Variants in PDE4D observed in about 807,000 individuals in gnomAD.
PDE4D encodes 3',5'-cyclic-AMP phosphodiesterase 4D.
A neutral mutation model predicts 87.4 loss-of-function variants in PDE4D; 24 were observed. That is an observed-to-expected ratio of 0.27 (90% CI 0.20 to 0.39). PDE4D has a LOEUF of 0.39. Among genes scored for constraint, PDE4D ranks in the 10% least tolerant of loss-of-function variants. PDE4D has a pLI of 1.00. For synonymous variants in PDE4D, 384 were observed against 383.2 expected (o/e 1.00, Z -0.02); for missense variants, 714 against 1,041.0 (o/e 0.69, Z 4.32).
intron 1 of PDE4D, among the ~76,000 whole-genome samples, chr5:59,598,177 G>A (rs990946321): frequency 2.2e-4 from 33 of 152,246 alleles, no homozygotes; most frequent in Admixed American, 1.9e-3. Flanking sequence ...GATTTTATCT[G>A]TTGTTTTTAG....
intron 1 of PDE4D, among the ~76,000 whole-genome samples, chr5:59,621,263 C>T (rs1333550288): frequency 6.6e-6 from 1 of 152,104 alleles, no homozygotes; most frequent in Non-Finnish European, 1.5e-5. Flanking sequence ...CAGGTCTATT[C>T]CAGAGGTTGT....
intron 5 of PDE4D, among the ~76,000 whole-genome samples, chr5:59,104,267 C>G (rs1771218227): frequency 6.6e-6 from 1 of 152,078 alleles, no homozygotes; most frequent in African/African-American, 2.4e-5. Context: ...TCATGGAACC[C>G]ATAAAGAATT....
chr5:59,685,466 G>A (rs1344714456), intron 1 of PDE4D, among the ~76,000 whole-genome samples: 1 of 152,066 alleles, frequency 6.6e-6, no homozygotes, highest in African/African-American at 2.4e-5. Flanking sequence ...TTTTCTATTT[G>A]ATACAAAATT....
intron 1 of PDE4D, among the ~76,000 whole-genome samples, chr5:60,465,610 T>C (rs1180013030): frequency 6.6e-6 from 1 of 152,186 alleles, no homozygotes; most frequent in Non-Finnish European, 1.5e-5. Context: ...TACTTACCAA[T>C]GGAAGCTATC....
At chr5:59,435,642 T>C (rs893057451) in intron 1 of PDE4D, among the ~76,000 whole-genome samples, 1 of 152,146 alleles carries the variant, frequency 6.6e-6, no homozygotes, top group Non-Finnish European at 1.5e-5. Context: ...CCCCATGACT[T>C]TTCTTGAGGG....
intron 2 of PDE4D, among the ~76,000 whole-genome samples, chr5:60,109,958 A>G (rs1052505000): frequency 6.6e-6 from 1 of 152,042 alleles, no homozygotes. Context: ...ACATGTATAC[A>G]TATGTAACTA....
At chr5:59,022,394 A>G (rs1561325091) in intron 6 of PDE4D, among the ~76,000 whole-genome samples, 1 of 151,910 alleles carries the variant, frequency 6.6e-6, no homozygotes, top group Non-Finnish European at 1.5e-5. Flanking sequence ...CTTTCCTTAT[A>G]TCTTCATTTT....
intron 5 of PDE4D, among the ~76,000 whole-genome samples, chr5:59,060,388 C>G: frequency 6.6e-6 from 1 of 152,094 alleles, no homozygotes; most frequent in East Asian, 1.9e-4. Context: ...AATAAAATCT[C>G]AACTAACGCA....
chr5:59,796,904 C>A (rs1231200747), intron 1 of PDE4D, among the ~76,000 whole-genome samples: 1 of 152,074 alleles, frequency 6.6e-6, no homozygotes, highest in Non-Finnish European at 1.5e-5. Context: ...TGATTCTTTT[C>A]ATGAACTTGG....
In PDE4D at chr5:59,257,690, G is replaced by A. The variant is rs1485765049; in HGVS notation, c.456-41722C>T. Among the ~76,000 whole-genome samples the A allele has an allele frequency of 2.8e-4, 43 of 151,950 alleles. 2 individuals are homozygous for A. The highest frequency in any genetic ancestry group is 2.8e-3 in the Admixed American group (43 of 15,206). ...GCGAGGGTTGCCTGGTGTGTCACTT[G>A]CTACTTAAAGTCAAAGTGAGATCTT... On this transcript the variant is annotated intron_variant, in intron 1 of 14. Transcript: ENST00000340635.
chr5:59,515,494 G>C (rs552302495), intron 1 of PDE4D, among the ~76,000 whole-genome samples: 1 of 151,966 alleles, frequency 6.6e-6, no homozygotes, highest in African/African-American at 2.4e-5. Flanking sequence ...AATTGGAATG[G>C]AAGAAACAAA....
intron 1 of PDE4D, among the ~76,000 whole-genome samples, chr5:59,449,702 T>C (rs1798859825): frequency 6.6e-6 from 1 of 152,160 alleles, no homozygotes; most frequent in Non-Finnish European, 1.5e-5. Flanking sequence ...TTAAATTATG[T>C]AGGTTTTCTC....
At chr5:60,460,847 G>A (rs1746875646) in intron 1 of PDE4D, 1 of 457,032 alleles carries the variant, frequency 2.2e-6, no homozygotes, top group Non-Finnish European at 3.9e-6. Flanking sequence ...AATAACACAT[G>A]GGTATTTGAA....
At chr5:60,338,968 C>T (rs537350228) in intron 1 of PDE4D, among the ~76,000 whole-genome samples, 2 of 152,192 alleles carry the variant, frequency 1.3e-5, no homozygotes, top group East Asian at 1.9e-4. Context: ...AACCTAATTG[C>T]GGTCAATCAG....
At chr5:59,143,812 G>C (rs1204597493) in intron 5 of PDE4D, among the ~76,000 whole-genome samples, 1 of 152,166 alleles carries the variant, frequency 6.6e-6, no homozygotes, top group Admixed American at 6.5e-5. Flanking sequence ...TGATGTCCCA[G>C]CTGACTTGAT....
chr5:59,146,144 CAT>C (rs1778623398), intron 5 of PDE4D, among the ~76,000 whole-genome samples: 1 of 152,034 alleles, frequency 6.6e-6, no homozygotes, highest in Non-Finnish European at 1.5e-5. Context: ...TAAATAGATA[CAT>C]ATATACATAC....
At chr5:60,171,865 A>C (rs569533246) in intron 2 of PDE4D, among the ~76,000 whole-genome samples, 1 of 152,092 alleles carries the variant, frequency 6.6e-6, no homozygotes, top group South Asian at 2.1e-4. Context: ...ACTAACTTTA[A>C]GGTTTTAAAA....
chr5:59,811,699 T>C (rs1385972371), intron 1 of PDE4D, among the ~76,000 whole-genome samples: 1 of 152,202 alleles, frequency 6.6e-6, no homozygotes, highest in East Asian at 1.9e-4. Flanking sequence ...GAAGAAACTG[T>C]GTGAGTTTCA....
At chr5:59,248,881 A>G (rs1759383537) in intron 1 of PDE4D, among the ~76,000 whole-genome samples, 1 of 152,166 alleles carries the variant, frequency 6.6e-6, no homozygotes, top group East Asian at 1.9e-4. Flanking sequence ...ACAGATTAAG[A>G]GCTAGGTTAA....
Sources: gnomAD v4.1 joint callset for allele counts (sites outside exome capture counted in the v4.1 genomes callset) on GRCh38, gnomAD v4.1.1 for gene constraint, MANE v1.5 for transcripts, NCBI Gene and HGNC (gene_info 2026-07-23, HGNC 2026-07-21) for gene names.